The following CCL26 variants were observed in gnomAD, a reference collection of about 807,000 sequenced individuals.
The protein encoded by CCL26 is C-C motif chemokine 26.
Under a neutral mutation model 10.7 loss-of-function variants are expected in CCL26, and 10 were observed. That is an observed-to-expected ratio of 0.93 (90% confidence interval 0.57 to 1.58). CCL26 has a LOEUF of 1.58. Ranked by LOEUF, CCL26 falls within the 40% of genes most tolerant of loss-of-function variation. CCL26 has a pLI of 0.00. For synonymous variants in CCL26, 43 were observed against 41.4 expected, an observed-to-expected ratio of 1.04 and a Z score of -0.15; for missense variants, 116 against 111.0, an observed-to-expected ratio of 1.05 and a Z score of -0.20.
chr7:75,790,310 T>A (rs1472404491), upstream of CCL26, among the ~76,000 whole-genome samples: 8 of 149,034 alleles, frequency 5.4e-5, no homozygotes, highest in Non-Finnish European at 8.9e-5. Flanking sequence ...TTTGCAGTGG[T>A]GCAATCATAG....
chr7:75,769,721 G>A lies in CCL26; in HGVS notation c.257C>T (p.Ser86Phe), dbSNP rs782716091. ...PRKKWVQKYI[S>F]LLKTPKQL ...CAATTGTTTCGGAGTTTTCAGTAAA[G>A]AAATGTATTTTTGCACCCATTTTTT... The change falls in exon 3 of 3, where the codon TCT (serine) becomes TTT (phenylalanine). Residue 86 changes from serine to phenylalanine, a missense_variant. Physicochemically the swap from Ser to Phe is radical, Grantham distance 155. Coordinates refer to ENST00000005180, the MANE Select transcript of CCL26 (RefSeq NM_001371938.1). The A allele has an allele frequency of 6.2e-7, 1 of 1,612,154 alleles. No homozygotes were observed.
chr7:75,774,820 C>G (rs570488626), upstream of CCL26, among the ~76,000 whole-genome samples: 22 of 151,926 alleles, frequency 1.4e-4, no homozygotes, highest in African/African-American at 4.3e-4. Flanking sequence ...CTCAGGAGGC[C>G]GAGGCAGGAG....
At chr7:75,776,589 A>G (rs1482202539), upstream of CCL26, among the ~76,000 whole-genome samples, 2 of 151,220 alleles carry the variant, frequency 1.3e-5, no homozygotes, top group Non-Finnish European at 2.9e-5. Flanking sequence ...AGGAAGAAGG[A>G]AAGCAAGCAA....
intron 1 of CCL26, among the ~76,000 whole-genome samples, chr7:75,783,786 CAAAAA>C (rs1318162003): frequency 1.1e-5 from 1 of 87,770 alleles, no homozygotes. Context: ...GACTCCAGCT[CAAAAA>C]AAAAAAAAAA....
intron 1 of CCL26, among the ~76,000 whole-genome samples, chr7:75,777,893 C>T (rs1475891672): frequency 6.6e-6 from 1 of 150,434 alleles, no homozygotes; most frequent in Non-Finnish European, 1.5e-5. Context: ...GATCTTGGCT[C>T]ATTGCAGCCT....
At chr7:75,770,135 T>C (rs1038075765) in intron 2 of CCL26, among the ~76,000 whole-genome samples, 5 of 151,736 alleles carry the variant, frequency 3.3e-5, no homozygotes, top group Admixed American at 1.3e-4. Flanking sequence ...AATGGCATGA[T>C]CTCAGCTCAT....
chr7:75,786,942 A>T (rs1803204819), intron 1 of CCL26, among the ~76,000 whole-genome samples: 1 of 152,146 alleles, frequency 6.6e-6, no homozygotes, highest in Non-Finnish European at 1.5e-5. Context: ...GAAATCATTT[A>T]TCAGGGTTCC....
chr7:75,780,967 A>G (rs1554529377), intron 1 of CCL26, among the ~76,000 whole-genome samples: 1 of 152,196 alleles, frequency 6.6e-6, no homozygotes, highest in Admixed American at 6.5e-5. Context: ...GCGGGAGCTA[A>G]AGGCATAGTC....
In CCL26 at chr7:75,787,956, A is replaced by C. The variant is rs1450538246; in HGVS notation, c.-79+1761T>G. On this transcript the variant is annotated intron_variant, in intron 1 of 3. Coordinates refer to the CCL26 transcript ENST00000394905. ...TTATATGACAAATGCTCTTTTTAACAACCCCACAATATCGCCCCTTACCAC... is the reference window on the plus strand; with the variant it reads ...TTATATGACAAATGCTCTTTTTAACCACCCCACAATATCGCCCCTTACCAC... Among the ~76,000 whole-genome samples the C allele has an allele frequency of 3.9e-5, 6 of 152,016 alleles. No homozygotes were observed. In the East Asian group the frequency reaches 7.7e-4, roughly 20 times the overall value.
At chr7:75,784,151 C>T (rs952333587) in intron 1 of CCL26, among the ~76,000 whole-genome samples, 4 of 152,174 alleles carry the variant, frequency 2.6e-5, no homozygotes, top group African/African-American at 9.7e-5. Context: ...ACGCCTGAAC[C>T]GCAGCTGCCA....
intron 1 of CCL26, among the ~76,000 whole-genome samples, chr7:75,778,240 G>C (rs1009513476): frequency 2.0e-5 from 3 of 151,644 alleles, no homozygotes; most frequent in Non-Finnish European, 4.4e-5. Flanking sequence ...TGTTCTAATT[G>C]AGACATGGTC....
At chr7:75,772,285 G>T (rs1802841844), upstream of CCL26, 2 of 753,664 alleles carry the variant, frequency 2.7e-6, no homozygotes, top group East Asian at 5.4e-5. Context: ...TTCTGTGGTT[G>T]GGAACAGAAG....
chr7:75,772,517 C>T (rs1335737950), upstream of CCL26, among the ~76,000 whole-genome samples: 1 of 151,984 alleles, frequency 6.6e-6, no homozygotes, highest in Non-Finnish European at 1.5e-5. Flanking sequence ...ATTGGCCGGG[C>T]ATGGTGGCAG....
intron 1 of CCL26, among the ~76,000 whole-genome samples, chr7:75,783,262 C>G (rs1323096502): frequency 6.6e-6 from 1 of 152,134 alleles, no homozygotes. Context: ...TAAATGTCAT[C>G]CTAACTTCTA....
At chr7:75,784,056 G>A (rs1554529729) in intron 1 of CCL26, among the ~76,000 whole-genome samples, 1 of 152,200 alleles carries the variant, frequency 6.6e-6, no homozygotes, top group East Asian at 1.9e-4. Flanking sequence ...AGGAAGCCAA[G>A]TAGCAATGTA....
upstream of CCL26, among the ~76,000 whole-genome samples, chr7:75,776,068 CTTTTTTTTT>C (rs534170968): frequency 1.0e-5 from 1 of 99,640 alleles, no homozygotes; most frequent in Non-Finnish European, 2.0e-5. Context: ...AGTTCACACT[CTTTTTTTTT>C]TTTTTTTTTT....
chr7:75,776,846 G>C (rs111500744), upstream of CCL26, among the ~76,000 whole-genome samples: 27 of 152,236 alleles, frequency 1.8e-4, no homozygotes, highest in African/African-American at 6.0e-4. Flanking sequence ...TGCTGGGGGT[G>C]GGGTGGAAAA....
intron 1 of CCL26, among the ~76,000 whole-genome samples, chr7:75,786,999 T>G (rs753797627): frequency 1.8e-4 from 27 of 152,178 alleles, no homozygotes; most frequent in Non-Finnish European, 3.7e-4. Flanking sequence ...CCCCATCCCT[T>G]TCCTGCACAT....
At chr7:75,788,536 G>A (rs1263219752) in intron 1 of CCL26, among the ~76,000 whole-genome samples, 3 of 151,934 alleles carry the variant, frequency 2.0e-5, no homozygotes, top group Middle Eastern at 3.2e-3. Context: ...AGCCTGTTTG[G>A]TGGTCTCTTC....
Sources: gnomAD v4.1 joint callset for allele counts (sites outside exome capture counted in the v4.1 genomes callset) on GRCh38, gnomAD v4.1.1 for gene constraint, MANE v1.5 for transcripts, NCBI Gene and HGNC (gene_info 2026-07-23, HGNC 2026-07-21) for gene names.